Variants in VAT1L observed in about 807,000 individuals in gnomAD.
VAT1L encodes the protein vesicle amine transport 1 like.
In VAT1L, 34 loss-of-function variants were observed where a neutral mutation model predicts 44.1. That is an observed-to-expected ratio of 0.77 (90% CI 0.59 to 1.03). The LOEUF is 1.03. VAT1L is among the 50% of genes least tolerant of loss of function. The pLI is 0.00. For synonymous variants in VAT1L, 253 were observed against 202.2 expected, an observed-to-expected ratio of 1.25 and a Z score of -2.13; for missense variants, 615 against 538.8, an observed-to-expected ratio of 1.14 and a Z score of -1.40.
At chr16:77,952,544 C>T in intron 7 of VAT1L, among the ~76,000 whole-genome samples, 1 of 152,064 alleles carries the variant, frequency 6.6e-6, no homozygotes, top group Non-Finnish European at 1.5e-5. Context: ...GATCATATGC[C>T]AGCACTATGC....
At chr16:77,857,999 A>G (rs895242730) in intron 3 of VAT1L, among the ~76,000 whole-genome samples, 3 of 152,256 alleles carry the variant, frequency 2.0e-5, no homozygotes, top group South Asian at 4.1e-4. Context: ...GGCTGCCCCC[A>G]TACACTCAAC....
At chr16:77,953,100 G>A (rs2018063280) in intron 7 of VAT1L, among the ~76,000 whole-genome samples, 1 of 152,108 alleles carries the variant, frequency 6.6e-6, no homozygotes, top group Admixed American at 6.6e-5. Context: ...GATGATGGAG[G>A]CAGAGACAGG....
At chr16:77,850,729 G>C (rs2016800711) in intron 3 of VAT1L, among the ~76,000 whole-genome samples, 2 of 152,048 alleles carry the variant, frequency 1.3e-5, no homozygotes, top group Admixed American at 1.3e-4. Context: ...TTGTAATTTG[G>C]CTGGAAATGA....
intron 3 of VAT1L, among the ~76,000 whole-genome samples, chr16:77,837,792 T>G (rs891361895): frequency 1.3e-5 from 2 of 152,182 alleles, no homozygotes; most frequent in African/African-American, 4.8e-5. Context: ...GTATCCTTAT[T>G]ATATGGCATT....
At chr16:77,915,092 T>G (rs1373733890) in intron 7 of VAT1L, among the ~76,000 whole-genome samples, 1 of 151,954 alleles carries the variant, frequency 6.6e-6, no homozygotes, top group African/African-American at 2.4e-5. Flanking sequence ...GCCATTGCAC[T>G]CCAGCCTGGG....
chr16:77,862,289 G>A (rs576734956), intron 3 of VAT1L, among the ~76,000 whole-genome samples: 91 of 152,280 alleles, frequency 6.0e-4, no homozygotes, highest in African/African-American at 2.1e-3. Flanking sequence ...ACAATGCATA[G>A]TACAGTCTCC....
At chr16:77,902,229 C>A (rs564781533) in intron 7 of VAT1L, among the ~76,000 whole-genome samples, 6 of 152,134 alleles carry the variant, frequency 3.9e-5, no homozygotes, top group Non-Finnish European at 5.9e-5. Flanking sequence ...CAAAAAGGAG[C>A]AGAAGGCCAT....
chr16:77,896,843 C>T (rs2142472286), intron 7 of VAT1L, among the ~76,000 whole-genome samples: 1 of 152,292 alleles, frequency 6.6e-6, no homozygotes, highest in Admixed American at 6.5e-5. Flanking sequence ...GCCTTTACGC[C>T]TGTCATTCAG....
At chr16:77,833,189 G>A (rs973937541) in intron 3 of VAT1L, among the ~76,000 whole-genome samples, 8 of 152,180 alleles carry the variant, frequency 5.3e-5, no homozygotes, top group Non-Finnish European at 1.0e-4. Flanking sequence ...CTAGGAGTTC[G>A]GTAGGGAATA....
intron 1 of VAT1L, among the ~76,000 whole-genome samples, chr16:77,794,705 G>C (rs950467464): frequency 6.6e-6 from 1 of 152,142 alleles, no homozygotes; most frequent in African/African-American, 2.4e-5. Flanking sequence ...GCCAAGCCAG[G>C]AGCCACTCTG....
intron 3 of VAT1L, among the ~76,000 whole-genome samples, chr16:77,840,115 G>C (rs866719327): frequency 1.3e-5 from 2 of 152,116 alleles, no homozygotes; most frequent in Admixed American, 6.5e-5. Context: ...CTATGGAATC[G>C]TTAGCTCTCC....
intron 7 of VAT1L, among the ~76,000 whole-genome samples, chr16:77,919,676 G>A (rs1358087928): frequency 2.6e-5 from 4 of 152,184 alleles, no homozygotes; most frequent in African/African-American, 7.2e-5. Context: ...AATATCCCTC[G>A]CTTTCTAAAT....
chr16:77,890,593 C>T (rs1403866457), intron 7 of VAT1L, among the ~76,000 whole-genome samples: 1 of 152,156 alleles, frequency 6.6e-6, no homozygotes, highest in Non-Finnish European at 1.5e-5. Flanking sequence ...CAGAGGGCTG[C>T]ACAGAGATCT....
chr16:77,938,775 T>G (rs958507126), intron 7 of VAT1L, among the ~76,000 whole-genome samples: 7 of 152,318 alleles, frequency 4.6e-5, no homozygotes, highest in African/African-American at 1.7e-4. Context: ...CAGGTATTTC[T>G]TTACAGCACT....
chr16:77,832,612 C>A (rs773586323), intron 3 of VAT1L, among the ~76,000 whole-genome samples: 16 of 152,210 alleles, frequency 1.1e-4, no homozygotes, highest in Non-Finnish European at 2.2e-4. Flanking sequence ...TGGGCTGGAC[C>A]ATAGACCTTG....
At chr16:77,914,812 T>A (rs2017535431) in intron 7 of VAT1L, among the ~76,000 whole-genome samples, 1 of 152,214 alleles carries the variant, frequency 6.6e-6, no homozygotes, top group Non-Finnish European at 1.5e-5. Context: ...TCAGATTTAA[T>A]AACACCAGAT....
intron 7 of VAT1L, among the ~76,000 whole-genome samples, chr16:77,937,288 G>C (rs927930962): frequency 6.6e-6 from 1 of 152,176 alleles, no homozygotes; most frequent in Admixed American, 6.5e-5. Flanking sequence ...AATGAAGTGA[G>C]GGAAAAGATG....
intron 7 of VAT1L, among the ~76,000 whole-genome samples, chr16:77,914,111 G>A (rs436372): frequency 0.39 from 60,029 of 152,052 alleles, 12,991 homozygotes; most frequent in African/African-American, 0.57. Context: ...TAGATGCAGC[G>A]TATGCTGGAG....
chr16:77,933,294 A>G lies in VAT1L; in HGVS notation c.1078-38556A>G, dbSNP rs144874404. Among the ~76,000 whole-genome samples, 166 of 152,346 alleles carry G rather than the reference A, an allele frequency of 1.1e-3. 1 individual carries two copies. The highest frequency in any genetic ancestry group is 3.9e-3 in the African/African-American group (161 of 41,588). On this transcript the variant is annotated intron_variant, in intron 7 of 8. Transcript: ENST00000302536. ...AACTTGTCCAAGGTTCTTTTAGCTA[A>G]TAAGTGACAAAGCCAGACTCAAACC...
Sources: gnomAD v4.1 joint callset for allele counts (sites outside exome capture counted in the v4.1 genomes callset) on GRCh38, gnomAD v4.1.1 for gene constraint, MANE v1.5 for transcripts, NCBI Gene and HGNC (gene_info 2026-07-23, HGNC 2026-07-21) for gene names.